Variants in MACROD2 observed in about 807,000 individuals in gnomAD.
MACROD2 encodes the protein mono-ADP ribosylhydrolase 2.
A neutral mutation model predicts 70.4 loss-of-function variants in MACROD2; 36 were observed. The observed-to-expected ratio is 0.51, with a 90% CI of 0.39 to 0.68. MACROD2 has a LOEUF of 0.68. Among genes scored for constraint, MACROD2 ranks in the 30% least tolerant of loss-of-function variants. The pLI is 0.00. For synonymous variants in MACROD2, 172 were observed against 178.8 expected (o/e 0.96, Z 0.30); for missense variants, 496 against 538.4 (o/e 0.92, Z 0.78).
intron 5 of MACROD2, among the ~76,000 whole-genome samples, chr20:15,068,317 T>C (rs1304038767): frequency 6.6e-6 from 1 of 152,208 alleles, no homozygotes; most frequent in Non-Finnish European, 1.5e-5. Flanking sequence ...ATACATTGTA[T>C]ATAGTTTAAA....
At chr20:15,766,248 A>G (rs2051522458) in intron 8 of MACROD2, among the ~76,000 whole-genome samples, 1 of 152,146 alleles carries the variant, frequency 6.6e-6, no homozygotes, top group African/African-American at 2.4e-5. Context: ...CCTTCTCATC[A>G]TTTAATGCTT....
chr20:15,305,046 C>G (rs1000470696), intron 6 of MACROD2, among the ~76,000 whole-genome samples: 12 of 152,188 alleles, frequency 7.9e-5, no homozygotes, highest in African/African-American at 2.9e-4. Flanking sequence ...CTTGCTATAG[C>G]CCCCACCTAC....
chr20:15,557,323 C>T (rs2048181244), intron 8 of MACROD2, among the ~76,000 whole-genome samples: 1 of 152,096 alleles, frequency 6.6e-6, no homozygotes, highest in Non-Finnish European at 1.5e-5. Context: ...TCTACTTTCT[C>T]TTCATTCTTT....
rs1330233069 is a variant in MACROD2, at chr20:16,032,783, A to G, written c.1154-8418A>G. 2.3e-4 allele frequency among the ~76,000 whole-genome samples: 29 copies of G among 125,548 alleles called. No individual in the cohort carries two copies. The Admixed American group carries it at 2.3e-3, about 10-fold the overall frequency. 82.4% of individuals were successfully genotyped at this position (125,548 alleles called of 152,430 possible). A position where few individuals can be genotyped will look rare whatever the true frequency, so the allele number is the denominator to read the frequency against. On this transcript the variant is annotated intron_variant, in intron 15 of 17. Transcript: ENST00000684519. Reference sequence around the variant, plus strand: ...GAAGAGAGGAAGGAAGAGAGGAAGGAAGGGCAGGAAGGGAGGGAGGGAGGG... The same window carrying G: ...GAAGAGAGGAAGGAAGAGAGGAAGGGAGGGCAGGAAGGGAGGGAGGGAGGG...
At chr20:15,132,217 A>G (rs1004881126) in intron 5 of MACROD2, among the ~76,000 whole-genome samples, 1 of 152,048 alleles carries the variant, frequency 6.6e-6, no homozygotes, top group African/African-American at 2.4e-5. Context: ...AAAATGAAGT[A>G]AAATAAAAAG....
At chr20:14,471,531 T>A (rs1227462342) in intron 3 of MACROD2, among the ~76,000 whole-genome samples, 2 of 152,186 alleles carry the variant, frequency 1.3e-5, no homozygotes, top group Admixed American at 1.3e-4. Context: ...TTTAGAATGA[T>A]GTCTCTAAGT....
chr20:15,272,454 T>C (rs1050542089), intron 6 of MACROD2, among the ~76,000 whole-genome samples: 3 of 152,246 alleles, frequency 2.0e-5, no homozygotes, highest in Non-Finnish European at 2.9e-5. Context: ...GGAAATATTC[T>C]GATTTATAAG....
intron 6 of MACROD2, among the ~76,000 whole-genome samples, chr20:15,296,686 A>C (rs1313608926): frequency 6.6e-6 from 1 of 152,040 alleles, no homozygotes; most frequent in East Asian, 1.9e-4. Context: ...CTGTCCTAAT[A>C]AGACTGTATC....
intron 7 of MACROD2, among the ~76,000 whole-genome samples, chr20:15,467,320 A>C (rs1199698183): frequency 6.6e-6 from 1 of 152,244 alleles, no homozygotes; most frequent in Non-Finnish European, 1.5e-5. Context: ...CCACAGTGGC[A>C]ACTGCTTTGT....
intron 8 of MACROD2, among the ~76,000 whole-genome samples, chr20:15,656,015 C>T (rs902443452): frequency 8.5e-5 from 13 of 152,170 alleles, no homozygotes; most frequent in African/African-American, 3.1e-4. Context: ...CTTTTACAGA[C>T]ACCATCTCCA....
chr20:15,079,247 AT>A (rs1367177572), intron 5 of MACROD2, among the ~76,000 whole-genome samples: 3 of 151,482 alleles, frequency 2.0e-5, no homozygotes, highest in African/African-American at 4.8e-5. Context: ...GAATTTTAGC[AT>A]TTTTTCCCCC....
chr20:14,931,638 T>C (rs998162200), intron 5 of MACROD2, among the ~76,000 whole-genome samples: 2 of 152,084 alleles, frequency 1.3e-5, no homozygotes, highest in Admixed American at 6.5e-5. Context: ...TAAACATACA[T>C]GAATAAATAT....
chr20:16,002,535 G>A (rs1211174709), intron 15 of MACROD2, among the ~76,000 whole-genome samples: 1 of 152,174 alleles, frequency 6.6e-6, no homozygotes, highest in East Asian at 1.9e-4. Flanking sequence ...GAGACCACAA[G>A]AGAGCGATTG....
intron 5 of MACROD2, among the ~76,000 whole-genome samples, chr20:15,185,055 G>T (rs1384838964): frequency 6.6e-6 from 1 of 152,168 alleles, no homozygotes; most frequent in Non-Finnish European, 1.5e-5. Context: ...TGTGGAGCTT[G>T]ACACTTTGTT....
intron 5 of MACROD2, among the ~76,000 whole-genome samples, chr20:14,943,528 A>G (rs2074407251): frequency 6.6e-6 from 1 of 152,160 alleles, no homozygotes; most frequent in African/African-American, 2.4e-5. Context: ...CTTCCCAACC[A>G]GAGCTATCCT....
chr20:14,664,853 G>A (rs1312691901), intron 4 of MACROD2, among the ~76,000 whole-genome samples: 2 of 152,086 alleles, frequency 1.3e-5, no homozygotes, highest in Admixed American at 1.3e-4. Context: ...AGCTTGCCTA[G>A]CATCAAAATA....
chr20:14,665,042 G>C (rs2070722166), intron 4 of MACROD2, among the ~76,000 whole-genome samples: 1 of 152,030 alleles, frequency 6.6e-6, no homozygotes, highest in Non-Finnish European at 1.5e-5. Context: ...CAGTGGGGTG[G>C]GAAAACTGAC....
At chr20:15,739,403 T>C (rs2051071792) in intron 8 of MACROD2, among the ~76,000 whole-genome samples, 1 of 152,154 alleles carries the variant, frequency 6.6e-6, no homozygotes, top group Non-Finnish European at 1.5e-5. Context: ...GAGAACACAT[T>C]CTGTGAGAAG....
intron 5 of MACROD2, among the ~76,000 whole-genome samples, chr20:14,944,691 A>G (rs991981212): frequency 6.6e-6 from 1 of 152,150 alleles, no homozygotes; most frequent in African/African-American, 2.4e-5. Context: ...GTGTGGGCAG[A>G]TGTGGGATTC....
Sources: allele counts gnomAD v4.1 joint callset (sites outside exome capture counted in the v4.1 genomes callset), GRCh38; gene constraint gnomAD v4.1.1; transcripts MANE v1.5; gene names NCBI Gene and HGNC (gene_info 2026-07-23, HGNC 2026-07-21).